The following NFIB variants were observed in gnomAD, a reference collection of about 807,000 sequenced individuals.
The protein encoded by NFIB is nuclear factor 1 B-type.
NFIB carries 11 observed loss-of-function variants against 61.5 expected under a neutral mutation model. The observed-to-expected ratio is 0.18, with a 90% confidence interval of 0.11 to 0.30. The LOEUF is 0.30. NFIB is among the 10% of genes least tolerant of loss of function. The pLI is 1.00. For missense variants in NFIB, 471 were observed against 608.9 expected (o/e 0.77, Z 2.38); for synonymous variants, 260 against 216.5 (o/e 1.20, Z -1.76).
At chr9:14,525,479 T>C in the NFIB span, among the ~76,000 whole-genome samples, 1 of 152,190 alleles carries the variant, frequency 6.6e-6, no homozygotes, top group Non-Finnish European at 1.5e-5. Flanking sequence ...GTCTATGTTA[T>C]TGCTCTGTGC....
intron 2 of NFIB, among the ~76,000 whole-genome samples, chr9:14,183,951 C>G (rs559808831): frequency 2.9e-4 from 44 of 152,222 alleles, no homozygotes; most frequent in African/African-American, 9.9e-4. Context: ...ATTTTAAACT[C>G]AATCAGTTCC....
chr9:14,529,562 T>G, the NFIB span, among the ~76,000 whole-genome samples: 2 of 152,180 alleles, frequency 1.3e-5, no homozygotes, highest in African/African-American at 2.4e-5. Flanking sequence ...CGCCATGTAT[T>G]CTGTCTCTCT....
rs1342681852 is a variant in NFIB, at chr9:14,120,612, C to T, written c.1073G>A (p.Arg358Gln). 6 of 1,607,206 alleles carry T rather than the reference C, an allele frequency of 3.7e-6. No homozygotes were observed. The highest frequency in any genetic ancestry group is 1.7e-5 in the Admixed American group (1 of 59,010). The change falls in exon 8 of 11, where the codon CGA becomes CAA. Residue 358 changes from arginine (R) to glutamine (Q), a missense_variant. By Grantham distance (43) the Arg-to-Gln change is conservative. This residue lies in a region of NFIB where 372 missense variants were observed against 395.6 expected (regional missense o/e 0.94). Transcript: ENST00000380953. The surrounding 1 kb of genome is among the most constrained non-coding windows in gnomAD (Gnocchi z 4.4). The part of the protein sequence containing the change: ...PGVAHSVIST[R>Q]TPPPPSPLPF... Reference sequence around the variant, plus strand: ...CAACGGTGAAGGTGGAGGTGGAGTTCGAGTTGAGATGACTGCAGAAGACAG... The same window carrying T: ...CAACGGTGAAGGTGGAGGTGGAGTTTGAGTTGAGATGACTGCAGAAGACAG...
chr9:14,481,994 AT>A, the NFIB span, among the ~76,000 whole-genome samples: 6 of 152,004 alleles, frequency 3.9e-5, no homozygotes, highest in African/African-American at 1.4e-4. Flanking sequence ...CTTGAAAGTT[AT>A]TTACCTTCAG....
At position 14,387,951 on chromosome 9, in the gene NFIB, T is replaced by C. The variant is rs188481769; in HGVS notation, c.108+10573A>G. Among the ~76,000 whole-genome samples the C allele has an allele frequency of 5.3e-5, 8 of 152,032 alleles. No individual in the cohort carries two copies. The East Asian group carries it at 1.4e-3, about 26-fold the overall frequency. On this transcript the variant is annotated intron_variant, in intron 1 of 8. Coordinates refer to the NFIB transcript ENST00000380934. The stretch of plus-strand genomic sequence containing the variant: ...CTGTGGTCACCTCAGGTCCCACTTC[T>C]TCTACCCAACTGTGAGGCACTGCTA...
the NFIB span, among the ~76,000 whole-genome samples, chr9:14,465,572 T>TACACACACACACACAC: frequency 1.3e-3 from 193 of 146,306 alleles, no homozygotes; most frequent in African/African-American, 4.4e-3. Context: ...AATGACTTGT[T>TACACACACACACACAC]ACACACACAC....
chr9:14,319,166 C>T (rs931199878), intron 1 of NFIB, among the ~76,000 whole-genome samples: 1 of 151,306 alleles, frequency 6.6e-6, no homozygotes, highest in Admixed American at 6.6e-5. Flanking sequence ...ATGTCACTGC[C>T]GAAATGCCTC....
chr9:14,216,559 T>A (rs1435456838), intron 2 of NFIB, among the ~76,000 whole-genome samples: 1 of 51,292 alleles, frequency 1.9e-5, no homozygotes, highest in African/African-American at 4.4e-5. Flanking sequence ...TGTGTGTGTG[T>A]GTGTGTGTGT....
chr9:14,479,252 G>C, the NFIB span, among the ~76,000 whole-genome samples: 2 of 152,160 alleles, frequency 1.3e-5, no homozygotes, highest in Admixed American at 6.5e-5. Context: ...ATTGCAGGGG[G>C]CTCTGGGAGT....
At position 14,346,518 on chromosome 9, in the gene NFIB, C is replaced by G. The variant is rs1213718208; in HGVS notation, c.109-38998G>C. ...GCCCAGCGTCCCCAGGCCCAGCAGT[C>G]CACGCCACACCGTCGGCGACGGATT... On this transcript the variant is annotated intron_variant, in intron 1 of 8. Coordinates refer to the NFIB transcript ENST00000380934. Among the ~76,000 whole-genome samples the G allele has an allele frequency of 5.9e-5, 9 of 152,122 alleles. No homozygotes were observed. The South Asian group carries it at 1.9e-3, about 32-fold the overall frequency.
At chr9:14,359,133 C>G (rs1232775266) in intron 1 of NFIB, among the ~76,000 whole-genome samples, 1 of 152,166 alleles carries the variant, frequency 6.6e-6, no homozygotes, top group Non-Finnish European at 1.5e-5. Context: ...TCAGGGTATA[C>G]CCTTTCTTGC....
chr9:14,105,598 T>A (rs866284125), intron 10 of NFIB, among the ~76,000 whole-genome samples: 8 of 152,136 alleles, frequency 5.3e-5, no homozygotes, highest in African/African-American at 1.9e-4. Context: ...TAAAGTGAAA[T>A]TTTAAAGTGA....
the NFIB span, among the ~76,000 whole-genome samples, chr9:14,456,209 AT>A: frequency 0.2 from 29,909 of 148,858 alleles, 3,241 homozygotes; most frequent in East Asian, 0.32. Flanking sequence ...ACTACTTGGC[AT>A]TTTTTTTTTT....
intron 1 of NFIB, among the ~76,000 whole-genome samples, chr9:14,372,451 G>GT (rs1564037814): frequency 6.6e-6 from 1 of 152,028 alleles, no homozygotes; most frequent in Non-Finnish European, 1.5e-5. Flanking sequence ...AATTATCTCT[G>GT]TTTTCTTATC....
intron 2 of NFIB, among the ~76,000 whole-genome samples, chr9:14,201,253 C>T (rs907796426): frequency 5.3e-5 from 8 of 152,184 alleles, no homozygotes; most frequent in Non-Finnish European, 2.9e-5. Context: ...CTTCCAATTG[C>T]TAGCTAGGAT....
chr9:14,209,241 A>G (rs1401473694), intron 2 of NFIB, among the ~76,000 whole-genome samples: 1 of 152,188 alleles, frequency 6.6e-6, no homozygotes, highest in Non-Finnish European at 1.5e-5. Flanking sequence ...GCTCGTTTCC[A>G]ATACTAAGCT....
the NFIB span, among the ~76,000 whole-genome samples, chr9:14,440,541 C>G: frequency 6.6e-6 from 1 of 152,196 alleles, no homozygotes; most frequent in Non-Finnish European, 1.5e-5. Context: ...GAGCCACAAT[C>G]TCTCCTGATT....
rs189920770 is a variant in NFIB, at chr9:14,195,886, T to G, written c.563-16106A>C. On this transcript the variant is annotated intron_variant, in intron 2 of 10. Coordinates refer to ENST00000380953, the MANE Select transcript of NFIB (RefSeq NM_001190737.2). ...AGGGGGTGGGGTATTTAAGAAAATG[T>G]TTTTTAAACTTTTTTTTTTGCAAAA... is the stretch of plus-strand genomic sequence containing the variant. Among the ~76,000 whole-genome samples the G allele has an allele frequency of 3.8e-3, 575 of 151,646 alleles. 3 individuals are homozygous for G. Among genetic ancestry groups the G allele is most frequent in the Middle Eastern group, 0.021 (6 of 292 alleles).
chr9:14,177,156 G>A (rs1320474277), intron 3 of NFIB, among the ~76,000 whole-genome samples: 1 of 152,054 alleles, frequency 6.6e-6, no homozygotes, highest in Non-Finnish European at 1.5e-5. Flanking sequence ...TCTCATACAT[G>A]GATCGTGCCT....
Sources: gnomAD v4.1 joint callset for allele counts (sites outside exome capture counted in the v4.1 genomes callset) on GRCh38, gnomAD v4.1.1 for gene constraint, gnomAD v4.1.1 regional missense constraint, Gnocchi (gnomAD v3.1) non-coding constraint, MANE v1.5 for transcripts, NCBI Gene and HGNC (gene_info 2026-07-23, HGNC 2026-07-21) for gene names.